Variants in MAGI1 observed in about 807,000 individuals in gnomAD.
The protein encoded by MAGI1 is membrane associated guanylate kinase, WW and PDZ domain containing 1.
Under a neutral mutation model 139.9 loss-of-function variants are expected in MAGI1, and 58 were observed. That is an observed-to-expected ratio of 0.41 (90% CI 0.34 to 0.52). The LOEUF (loss-of-function observed/expected upper bound fraction) is 0.52, where lower values mean the gene tolerates loss of function less well. Among genes scored for constraint, MAGI1 ranks in the 20% least tolerant of loss-of-function variants. The probability of loss-of-function intolerance (pLI) is 0.12; values close to 1 mark genes in which losing one functional copy is unlikely to be tolerated. For missense variants in MAGI1, 1,874 were observed against 1,901.6 expected (o/e 0.99, Z 0.27); for synonymous variants, 812 against 737.9 (o/e 1.10, Z -1.63).
intron 1 of MAGI1, among the ~76,000 whole-genome samples, chr3:65,995,961 G>A (rs2107397715): frequency 6.6e-6 from 1 of 152,244 alleles, no homozygotes; most frequent in African/African-American, 2.4e-5. Context: ...TCGTGCCACT[G>A]TACTCTAGGC....
At chr3:65,966,397 A>G (rs2064742849) in intron 1 of MAGI1, among the ~76,000 whole-genome samples, 1 of 152,208 alleles carries the variant, frequency 6.6e-6, no homozygotes, top group East Asian at 1.9e-4. Context: ...ATAATAAATA[A>G]TAGTTAGGTG....
At chr3:65,701,413 C>T (rs979655145) in intron 1 of MAGI1, among the ~76,000 whole-genome samples, 2 of 152,112 alleles carry the variant, frequency 1.3e-5, no homozygotes, top group Admixed American at 6.5e-5. Context: ...CCACCACACC[C>T]AGCTAATTTT....
intron 7 of MAGI1, among the ~76,000 whole-genome samples, chr3:65,444,706 G>C (rs900841461): frequency 1.3e-5 from 2 of 152,002 alleles, no homozygotes; most frequent in Non-Finnish European, 2.9e-5. Flanking sequence ...GGCCGAGGAG[G>C]GTACTAGAAA....
At chr3:65,811,170 C>G (rs2041205310) in intron 1 of MAGI1, among the ~76,000 whole-genome samples, 1 of 152,166 alleles carries the variant, frequency 6.6e-6, no homozygotes. Flanking sequence ...TTCCTACAGG[C>G]AACTTCATAG....
At chr3:65,479,400 G>C (rs912345590) in intron 3 of MAGI1, among the ~76,000 whole-genome samples, 1 of 151,782 alleles carries the variant, frequency 6.6e-6, no homozygotes, top group African/African-American at 2.4e-5. Context: ...GTGGCACCCA[G>C]TATGGGTCAC....
intron 1 of MAGI1, among the ~76,000 whole-genome samples, chr3:66,022,702 A>G (rs2068027872): frequency 6.6e-6 from 1 of 152,188 alleles, no homozygotes; most frequent in Non-Finnish European, 1.5e-5. Context: ...ATGGAATCTC[A>G]TTGTCTCTGT....
At chr3:65,441,602 T>A (rs1575758684) in intron 8 of MAGI1, among the ~76,000 whole-genome samples, 1 of 152,174 alleles carries the variant, frequency 6.6e-6, no homozygotes, top group Non-Finnish European at 1.5e-5. Flanking sequence ...TCTTAATGCA[T>A]AAACTAGTTG....
chr3:65,943,365 G>A (rs2063401561), intron 1 of MAGI1, among the ~76,000 whole-genome samples: 1 of 152,110 alleles, frequency 6.6e-6, no homozygotes, highest in Non-Finnish European at 1.5e-5. Flanking sequence ...CACGAGGTCA[G>A]GAGTTTGAGA....
rs1277888520 is a variant in MAGI1, at chr3:65,356,126, G to A, written c.*252C>T. ...TAGAAACAAAATTTATATCCCTTTG[G>A]GCCAGCATTTGGCAAATAATTTCCA... On this transcript the variant is annotated 3_prime_UTR_variant, in exon 23 of 23. Coordinates refer to ENST00000402939, the MANE Select transcript of MAGI1 (RefSeq NM_001033057.2). The A allele has an allele frequency of 1.8e-5, 6 of 333,632 alleles. No homozygotes were observed. Among genetic ancestry groups the A allele is most frequent in the Non-Finnish European group, 1.6e-5 (3 of 188,346 alleles). 20.7% of individuals were successfully genotyped at this position (333,632 alleles called of 1,614,324 possible).
intron 1 of MAGI1, among the ~76,000 whole-genome samples, chr3:65,861,018 G>C (rs1031733524): frequency 3.3e-5 from 5 of 152,170 alleles, no homozygotes; most frequent in African/African-American, 1.2e-4. Flanking sequence ...TGTTCTTTAA[G>C]GAAGGTTCTT....
chr3:65,913,319 G>C (rs562905315), intron 1 of MAGI1, among the ~76,000 whole-genome samples: 2 of 152,222 alleles, frequency 1.3e-5, no homozygotes, highest in South Asian at 4.2e-4. Context: ...TCAATTCTTT[G>C]AGAACCATTT....
At chr3:65,745,931 T>C (rs1372960485) in intron 1 of MAGI1, among the ~76,000 whole-genome samples, 5 of 152,226 alleles carry the variant, frequency 3.3e-5, no homozygotes, top group Non-Finnish European at 7.3e-5. Context: ...GGATTTGCCA[T>C]GTTGCCCAGG....
chr3:65,746,170 G>A (rs2035693418), intron 1 of MAGI1, among the ~76,000 whole-genome samples: 1 of 151,944 alleles, frequency 6.6e-6, no homozygotes, highest in Admixed American at 6.6e-5. Context: ...CAACTAGCTG[G>A]GACTACAGGC....
intron 1 of MAGI1, among the ~76,000 whole-genome samples, chr3:65,738,260 T>C (rs2034952119): frequency 6.6e-6 from 1 of 152,216 alleles, no homozygotes; most frequent in African/African-American, 2.4e-5. Context: ...ATAAAAGTTA[T>C]ATTTAAACTT....
At chr3:65,764,994 T>C (rs918764920) in intron 1 of MAGI1, among the ~76,000 whole-genome samples, 1 of 152,124 alleles carries the variant, frequency 6.6e-6, no homozygotes, top group Admixed American at 6.5e-5. Flanking sequence ...ATACAATCAT[T>C]AAAGAAATTA....
At chr3:66,031,192 C>A (rs897922752) in intron 1 of MAGI1, among the ~76,000 whole-genome samples, 38 of 152,272 alleles carry the variant, frequency 2.5e-4, no homozygotes, top group African/African-American at 8.7e-4. Context: ...CAGCCCTTAA[C>A]GAATTTGACA....
At chr3:65,630,710 G>A (rs1205139711) in intron 1 of MAGI1, among the ~76,000 whole-genome samples, 1 of 152,138 alleles carries the variant, frequency 6.6e-6, no homozygotes, top group African/African-American at 2.4e-5. Context: ...GGATGTAGGA[G>A]GGGAGATTGA....
intron 1 of MAGI1, among the ~76,000 whole-genome samples, chr3:65,777,082 G>A (rs1302022493): frequency 6.6e-6 from 1 of 152,210 alleles, no homozygotes; most frequent in East Asian, 1.9e-4. Context: ...GGGTAAGTGA[G>A]CATGTGCAAG....
At chr3:65,731,662 TTAA>T (rs781031368) in intron 1 of MAGI1, among the ~76,000 whole-genome samples, 69 of 118,828 alleles carry the variant, frequency 5.8e-4, no homozygotes, top group African/African-American at 7.8e-4. Flanking sequence ...CTCAAAAAAT[TTAA>T]AAAAAAAAAA....
Sources: allele counts gnomAD v4.1 joint callset (sites outside exome capture counted in the v4.1 genomes callset), GRCh38; gene constraint gnomAD v4.1.1; transcripts MANE v1.5; gene names NCBI Gene and HGNC (gene_info 2026-07-23, HGNC 2026-07-21).